Variants in GREM2 observed in about 807,000 individuals in gnomAD.
GREM2 encodes the protein gremlin 2, DAN family BMP antagonist, also known as gremlin-2.
In GREM2, 11 loss-of-function variants were observed where a neutral mutation model predicts 14.2. That is an observed-to-expected ratio of 0.78 (90% confidence interval 0.49 to 1.28). The LOEUF is 1.28. GREM2 is among the 50% of genes most tolerant of loss of function. The pLI is 0.00. For synonymous variants in GREM2, 98 were observed against 97.6 expected (o/e 1.00, Z -0.02); for missense variants, 210 against 218.5 (o/e 0.96, Z 0.24).
At chr1:240,560,653 T>G (rs1289339805) in intron 1 of GREM2, among the ~76,000 whole-genome samples, 2 of 152,306 alleles carry the variant, frequency 1.3e-5, no homozygotes, top group East Asian at 1.9e-4. Flanking sequence ...GAATCTGATC[T>G]TATTGGGTTT....
chr1:240,545,595 A>G (rs1447745389), intron 1 of GREM2, among the ~76,000 whole-genome samples: 1 of 152,200 alleles, frequency 6.6e-6, no homozygotes, highest in East Asian at 1.9e-4. Flanking sequence ...GAAATGGGGT[A>G]TCGTCTTGTG....
At chr1:240,582,846 CA>C (rs1251880436) in intron 1 of GREM2, among the ~76,000 whole-genome samples, 1 of 151,582 alleles carries the variant, frequency 6.6e-6, no homozygotes, top group Non-Finnish European at 1.5e-5. Flanking sequence ...CTCTTTGATC[CA>C]AGGAACAAAA....
chr1:240,587,522 A>G (rs1432553753), intron 1 of GREM2, among the ~76,000 whole-genome samples: 3 of 151,918 alleles, frequency 2.0e-5, no homozygotes, highest in African/African-American at 7.3e-5. Context: ...GAATTTTGCC[A>G]TGTTGCCCAG....
chr1:240,587,969 C>T (rs971147462), intron 1 of GREM2, among the ~76,000 whole-genome samples: 1 of 152,160 alleles, frequency 6.6e-6, no homozygotes, highest in African/African-American at 2.4e-5. Context: ...GGGCCAGCAC[C>T]TTGCTCTTTG....
In GREM2 at chr1:240,521,825, A is replaced by T. The variant is rs552587866; in HGVS notation, c.-1-28349T>A. On this transcript the variant is annotated intron_variant, in intron 1 of 1. Coordinates refer to ENST00000318160, the MANE Select transcript of GREM2 (RefSeq NM_022469.4). The stretch of plus-strand genomic sequence containing the variant: ...CTGTGTTTTTAAAATATAATTTTAA[A>T]TGTAGGCCAGGGTCAGTGGCTCATG... Among the ~76,000 whole-genome samples the T allele has an allele frequency of 2.6e-3, 390 of 152,236 alleles. 3 individuals carry two copies. The highest frequency in any genetic ancestry group is 8.9e-3 in the African/African-American group (371 of 41,562).
chr1:240,490,963 C>T lies in GREM2; in HGVS notation c.*2006G>A, dbSNP rs1000402800. The stretch of plus-strand genomic sequence containing the variant: ...TTTTCCACCAAATGCAAAAATCACT[C>T]CTGACCTTGAACACCCTTCTCTCCA... On this transcript the variant is annotated 3_prime_UTR_variant, in exon 2 of 2. Coordinates refer to ENST00000318160, the MANE Select transcript of GREM2 (RefSeq NM_022469.4). 1 of 152,298 alleles carries T rather than the reference C, an allele frequency of 6.6e-6. No homozygotes were observed. Among genetic ancestry groups the T allele is most frequent in the Non-Finnish European group, 1.5e-5 (1 of 68,080 alleles). 9.4% of individuals were successfully genotyped at this position (152,298 alleles called of 1,614,324 possible).
chr1:240,565,894 T>G (rs1679170078), intron 1 of GREM2, among the ~76,000 whole-genome samples: 1 of 151,920 alleles, frequency 6.6e-6, no homozygotes, highest in African/African-American at 2.4e-5. Context: ...TTATTCCTAT[T>G]TATTGTATCT....
At chr1:240,557,020 A>G (rs78233411) in intron 1 of GREM2, among the ~76,000 whole-genome samples, 16,145 of 151,860 alleles carry the variant, frequency 0.11, 966 homozygotes, top group African/African-American at 0.14. Context: ...AACACAAAAA[A>G]TTAGCCGGGT....
chr1:240,557,836 A>T (rs1678979177), intron 1 of GREM2, among the ~76,000 whole-genome samples: 1 of 152,148 alleles, frequency 6.6e-6, no homozygotes, highest in Non-Finnish European at 1.5e-5. Flanking sequence ...CCTCAGCAAG[A>T]TGAAAATAAG....
In GREM2 at chr1:240,490,873, T is replaced by C. The variant is rs1221390256; in HGVS notation, c.*2096A>G. On this transcript the variant is annotated 3_prime_UTR_variant, in exon 2 of 2. Coordinates refer to ENST00000318160, the MANE Select transcript of GREM2 (RefSeq NM_022469.4). ...AATCCACCCCTAGCCTCCATTACAATCACGTAAATTTCCTTCCTTCACAGC... is the reference window on the plus strand; with the variant it reads ...AATCCACCCCTAGCCTCCATTACAACCACGTAAATTTCCTTCCTTCACAGC... 1 of 152,224 alleles carries C rather than the reference T, an allele frequency of 6.6e-6. No homozygotes were observed. The highest frequency in any genetic ancestry group is 1.5e-5 in the Non-Finnish European group (1 of 68,048). The allele number at this position is 152,224 out of a possible 1,614,324, so 9.4% of individuals were successfully genotyped here.
At chr1:240,603,063 G>T (rs544024550) in intron 1 of GREM2, among the ~76,000 whole-genome samples, 58 of 151,980 alleles carry the variant, frequency 3.8e-4, no homozygotes, top group African/African-American at 1.3e-3. Context: ...ACAGAGCTGC[G>T]ACAGAGCGAG....
intron 1 of GREM2, among the ~76,000 whole-genome samples, chr1:240,578,063 T>C (rs994507627): frequency 3.3e-5 from 5 of 152,152 alleles, no homozygotes; most frequent in African/African-American, 1.2e-4. Flanking sequence ...TTTGTTGTTG[T>C]TGTTTTTGTG....
chr1:240,497,935 C>T (rs2103273551), intron 1 of GREM2, among the ~76,000 whole-genome samples: 1 of 152,250 alleles, frequency 6.6e-6, no homozygotes, highest in African/African-American at 2.4e-5. Flanking sequence ...TCTGAGTAAA[C>T]ATAACCAAGA....
rs61016634 is a variant in GREM2, at chr1:240,604,309, A to ATGTGTGTGTGTG, written c.-2+7563_-2+7574dup. 2.2e-4 allele frequency among the ~76,000 whole-genome samples: 26 copies of ATGTGTGTGTGTG among 116,706 alleles called. 1 individual carries two copies. The highest frequency in any genetic ancestry group is 1.6e-3 in the East Asian group (7 of 4,402). The allele number at this position is 116,706 out of a possible 152,430, so 76.6% of individuals were successfully genotyped here. ...AGATCAGCTTTATATAACTATACGT[A>ATGTGTGTGTGTG]TGTGTGTGTGTGTGTGTGTGTGTGT... On this transcript the variant is annotated intron_variant, in intron 1 of 1. Transcript: ENST00000318160.
At chr1:240,531,562 C>A (rs1014841128) in intron 1 of GREM2, 10 of 823,572 alleles carry the variant, frequency 1.2e-5, no homozygotes, top group Non-Finnish European at 1.5e-5. Context: ...GCTTCCCAAA[C>A]AAAGGAAATT....
intron 1 of GREM2, among the ~76,000 whole-genome samples, chr1:240,577,856 T>C (rs1163384081): frequency 2.0e-5 from 3 of 152,232 alleles, no homozygotes; most frequent in Non-Finnish European, 4.4e-5. Context: ...GACACATCTA[T>C]GTGAGCAAAT....
At chr1:240,566,071 G>A (rs926054370) in intron 1 of GREM2, among the ~76,000 whole-genome samples, 1 of 151,558 alleles carries the variant, frequency 6.6e-6, no homozygotes, top group South Asian at 2.1e-4. Flanking sequence ...TGAAACCAGG[G>A]GTCTTTATTT....
At chr1:240,523,096 T>A (rs1190734999) in intron 1 of GREM2, among the ~76,000 whole-genome samples, 1 of 152,184 alleles carries the variant, frequency 6.6e-6, no homozygotes, top group African/African-American at 2.4e-5. Context: ...TGGAATATAA[T>A]CAGTTTCTTT....
rs1678636103 is a variant in GREM2 at position 240,543,181 on chromosome 1, T to C, written c.-1-49705A>G. 6.6e-6 allele frequency among the ~76,000 whole-genome samples: 1 copy of C among 152,246 alleles called. No individual in the cohort carries two copies. The highest frequency in any genetic ancestry group is 2.4e-5 in the African/African-American group (1 of 41,466). ...CACCTAAGGCTAGGGCCAGGCTTGCTTCACTGAAGACTGCTCTACGGCCTA... is the reference window on the plus strand; with the variant it reads ...CACCTAAGGCTAGGGCCAGGCTTGCCTCACTGAAGACTGCTCTACGGCCTA... On this transcript the variant is annotated intron_variant, in intron 1 of 1. Coordinates refer to ENST00000318160, the MANE Select transcript of GREM2 (RefSeq NM_022469.4). The surrounding 1 kb of genome is among the most constrained non-coding windows in gnomAD (Gnocchi z 6.4).
Sources: allele counts gnomAD v4.1 joint callset (sites outside exome capture counted in the v4.1 genomes callset), GRCh38; gene constraint gnomAD v4.1.1; non-coding constraint Gnocchi (gnomAD v3.1); transcripts MANE v1.5; gene names NCBI Gene and HGNC (gene_info 2026-07-23, HGNC 2026-07-21).